Variants in CDK5RAP2 observed in about 807,000 individuals in gnomAD.
CDK5RAP2 encodes CDK5 regulatory subunit associated protein 2, also known as CDK5 regulatory subunit-associated protein 2.
A neutral mutation model predicts 232.9 loss-of-function variants in CDK5RAP2; 147 were observed. The observed-to-expected ratio is 0.63, with a 90% CI of 0.55 to 0.72. CDK5RAP2 has a LOEUF of 0.72. Among genes scored for constraint, CDK5RAP2 ranks in the 30% least tolerant of loss-of-function variants. CDK5RAP2 has a pLI of 0.00. For missense variants in CDK5RAP2, 2,195 were observed against 2,231.5 expected, an observed-to-expected ratio of 0.98 and a Z score of 0.33; for synonymous variants, 833 against 833.7, an observed-to-expected ratio of 1.00 and a Z score of 0.01.
chr9:120,478,094 A>C (rs1285443925), intron 14 of CDK5RAP2, among the ~76,000 whole-genome samples: 2 of 152,220 alleles, frequency 1.3e-5, no homozygotes, highest in African/African-American at 4.8e-5. Flanking sequence ...AATGTTCAAA[A>C]TTTGGTTCTG....
At chr9:120,533,797 T>TAA (rs147527299) in intron 7 of CDK5RAP2, among the ~76,000 whole-genome samples, 68 of 52,722 alleles carry the variant, frequency 1.3e-3, no homozygotes, top group African/African-American at 2.9e-3. Flanking sequence ...AGACTCCATC[T>TAA]AAAAAAAAAA....
chr9:120,419,640 A>G (rs1485077565), intron 27 of CDK5RAP2, 148 bp downstream of exon 27: 2 of 722,838 alleles, frequency 2.8e-6, no homozygotes, highest in Admixed American at 2.0e-5. Flanking sequence ...GATAAAGGAT[A>G]CTCTGAATGA....
chr9:120,548,226 G>A (rs2041920790), intron 4 of CDK5RAP2, among the ~76,000 whole-genome samples: 1 of 152,188 alleles, frequency 6.6e-6, no homozygotes, highest in South Asian at 2.1e-4. Flanking sequence ...GTGTAATTTT[G>A]TGAAAAATGC....
intron 30 of CDK5RAP2, among the ~76,000 whole-genome samples, chr9:120,408,699 G>C (rs1465119400): frequency 6.6e-6 from 1 of 152,198 alleles, no homozygotes; most frequent in East Asian, 1.9e-4. Context: ...TCCTCACACT[G>C]ACTCTGCAGC....
intron 28 of CDK5RAP2, among the ~76,000 whole-genome samples, chr9:120,413,484 C>T (rs541841530): frequency 1.3e-5 from 2 of 152,316 alleles, no homozygotes; most frequent in Non-Finnish European, 2.9e-5. Flanking sequence ...GACATTGTGA[C>T]AACATGGTGA....
chr9:120,525,830 C>T (rs2040875393), intron 10 of CDK5RAP2, among the ~76,000 whole-genome samples: 1 of 152,108 alleles, frequency 6.6e-6, no homozygotes, highest in Non-Finnish European at 1.5e-5. Context: ...GTTGCCCAGG[C>T]TGGTCTCAAA....
At chr9:120,523,321 T>C (rs866305654) in intron 11 of CDK5RAP2, among the ~76,000 whole-genome samples, 35 of 152,378 alleles carry the variant, frequency 2.3e-4, no homozygotes, top group South Asian at 2.1e-4. Flanking sequence ...ACAATGTTTA[T>C]GCCGGTCTCT....
chr9:120,572,114 G>T, intron 1 of CDK5RAP2, 73 bp from the exon 2 acceptor site: 1 of 1,155,834 alleles, frequency 8.7e-7, no homozygotes. Context: ...GGTCTGGACT[G>T]CACATGACAA....
intron 22 of CDK5RAP2, among the ~76,000 whole-genome samples, chr9:120,447,573 C>T (rs547743717): frequency 1.2e-4 from 19 of 152,218 alleles, no homozygotes; most frequent in South Asian, 2.1e-4. Flanking sequence ...TGATGCCACA[C>T]GCCAGAGGCA....
At chr9:120,548,144 AG>A (rs1213803920) in intron 4 of CDK5RAP2, among the ~76,000 whole-genome samples, 6 of 152,234 alleles carry the variant, frequency 3.9e-5, no homozygotes, top group Admixed American at 3.9e-4. Context: ...GTCATCTATG[AG>A]GCAGAACTTT....
At position 120,388,962 on chromosome 9, in the gene CDK5RAP2, C is replaced by T; in HGVS notation, c.*274G>A. On this transcript the variant is annotated 3_prime_UTR_variant, in exon 38 of 38. Transcript: ENST00000349780. Reference sequence around the variant, plus strand: ...AATCCAGGGGAAGACGTGAAGCCCACCAAGGCGCACAGCCTCAACTCCGGT... The same window carrying T: ...AATCCAGGGGAAGACGTGAAGCCCATCAAGGCGCACAGCCTCAACTCCGGT... 1 of 547,964 alleles carries T rather than the reference C, an allele frequency of 1.8e-6. No individual in the cohort carries two copies. Among genetic ancestry groups the T allele is most frequent in the South Asian group, 2.4e-5 (1 of 41,230 alleles). 33.9% of individuals were successfully genotyped at this position (547,964 alleles called of 1,614,324 possible). A position where few individuals can be genotyped will look rare whatever the true frequency, so the allele number is the denominator to read the frequency against.
chr9:120,559,488 C>CAAAAAAAA (rs558274119), intron 3 of CDK5RAP2, among the ~76,000 whole-genome samples: 4 of 48,870 alleles, frequency 8.2e-5, no homozygotes, highest in Non-Finnish European at 7.9e-5. Context: ...GACTCTGTCT[C>CAAAAAAAA]AAAAAAAAAA....
intron 20 of CDK5RAP2, among the ~76,000 whole-genome samples, chr9:120,458,162 G>A (rs370248579): frequency 4.2e-4 from 64 of 152,202 alleles, no homozygotes; most frequent in African/African-American, 1.2e-3. Context: ...GATTCCTCTC[G>A]CTGACAGCAA....
intron 12 of CDK5RAP2, among the ~76,000 whole-genome samples, chr9:120,494,138 A>C (rs984530497): frequency 6.6e-6 from 1 of 151,890 alleles, no homozygotes; most frequent in South Asian, 2.1e-4. Flanking sequence ...GAACTCTGCT[A>C]TCAGTCTGAA....
At chr9:120,430,704 C>A (rs1483142275) in intron 25 of CDK5RAP2, among the ~76,000 whole-genome samples, 1 of 149,424 alleles carries the variant, frequency 6.7e-6, no homozygotes, top group African/African-American at 2.4e-5. Context: ...GTCAGTGTGG[C>A]GATTCCTCAG....
intron 12 of CDK5RAP2, among the ~76,000 whole-genome samples, chr9:120,511,819 C>T (rs1292092327): frequency 6.8e-6 from 1 of 146,022 alleles, no homozygotes; most frequent in Admixed American, 7.1e-5. Context: ...CTCACTGAAA[C>T]CTCTGCCTCC....
At chr9:120,401,010 G>C in intron 34 of CDK5RAP2, 125 bp from the exon 35 acceptor site, 2 of 974,328 alleles carry the variant, frequency 2.1e-6, no homozygotes, top group East Asian at 2.6e-5. Flanking sequence ...GCGAAAGCCT[G>C]GTACCACATA....
intron 11 of CDK5RAP2, 85 bp downstream of exon 11, chr9:120,524,900 CA>C: frequency 1.1e-6 from 1 of 927,100 alleles, no homozygotes; most frequent in East Asian, 2.4e-5. Flanking sequence ...TTATTAAAAT[CA>C]CCCAAGTTCT....
At chr9:120,503,945 G>A (rs1025675863) in intron 12 of CDK5RAP2, among the ~76,000 whole-genome samples, 2 of 152,168 alleles carry the variant, frequency 1.3e-5, no homozygotes, top group South Asian at 2.1e-4. Context: ...GGTGTGGCAC[G>A]CCCTCAACAC....
Sources: allele counts gnomAD v4.1 joint callset (sites outside exome capture counted in the v4.1 genomes callset), GRCh38; gene constraint gnomAD v4.1.1; transcripts MANE v1.5; gene names NCBI Gene and HGNC (gene_info 2026-07-23, HGNC 2026-07-21).